ANKEF1: variants seen among roughly 807,000 people sequenced by gnomAD.
ANKEF1 encodes ankyrin repeat and EF-hand domain-containing protein 1.
Under a neutral mutation model 65.1 loss-of-function variants are expected in ANKEF1, and 43 were observed. The ratio of observed to expected loss-of-function variants is 0.66; its 90% CI spans 0.52 to 0.85. The LOEUF is 0.85. ANKEF1 is among the 40% of genes least tolerant of loss of function. The pLI is 0.00. For missense variants in ANKEF1, 934 were observed against 952.9 expected, an observed-to-expected ratio of 0.98 and a Z score of 0.26; for synonymous variants, 316 against 341.5, an observed-to-expected ratio of 0.93 and a Z score of 0.82.
chr20:10,039,878 A>AGTTTTGTGG (rs1201671294), intron 3 of ANKEF1, among the ~76,000 whole-genome samples: 6 of 152,306 alleles, frequency 3.9e-5, no homozygotes, highest in African/African-American at 1.2e-4. Context: ...ATATGCCTGG[A>AGTTTTGTGG]GTTTTGTGGA....
At chr20:10,039,561 T>A (rs1984052355) in intron 3 of ANKEF1, among the ~76,000 whole-genome samples, 1 of 152,240 alleles carries the variant, frequency 6.6e-6, no homozygotes, top group Admixed American at 6.5e-5. Context: ...AAGGGATAAT[T>A]ACATATTTAA....
Position 10,049,650 on chromosome 20 carries a change from A to G in ANKEF1, c.1081A>G (p.Met361Val). 1 of 1,614,076 alleles carries G rather than the reference A, an allele frequency of 6.2e-7. No individual in the cohort carries two copies. Among genetic ancestry groups the G allele is most frequent in the Admixed American group, 1.7e-5 (1 of 60,006 alleles). The change falls in exon 7 of 11, where the codon ATG (methionine) becomes GTG (valine). Residue 361 changes from methionine to valine, a missense_variant. Met to Val is a conservative substitution (Grantham distance 21). Transcript: ENST00000378392. ...AAGCATCAGCAAGAACGACTTCGTG[A>G]TGGTGTTGGAGGAAAGGCAGGATTA... ...DGSISKNDFVMVLEERQDYAS... is the reference protein window; with the variant it reads ...DGSISKNDFVVVLEERQDYAS...
intron 4 of ANKEF1, among the ~76,000 whole-genome samples, chr20:10,043,652 C>CTTTTTTTTTTT (rs374135080): frequency 3.7e-5 from 3 of 81,374 alleles, no homozygotes; most frequent in Non-Finnish European, 6.7e-5. Context: ...TTTTCTTTTC[C>CTTTTTTTTTTT]TTTTTTTTTT....
chr20:10,042,881 G>A (rs550922114), intron 3 of ANKEF1, among the ~76,000 whole-genome samples: 1 of 152,130 alleles, frequency 6.6e-6, no homozygotes, highest in African/African-American at 2.4e-5. Flanking sequence ...ACCTATCAGC[G>A]CTCCAATTCT....
At chr20:10,048,978 A>C (rs1329476271) in intron 6 of ANKEF1, among the ~76,000 whole-genome samples, 1 of 152,222 alleles carries the variant, frequency 6.6e-6, no homozygotes, top group Non-Finnish European at 1.5e-5. Context: ...GGTATTCTGC[A>C]TCTTTTCAGG....
At position 10,049,545 on chromosome 20, in the gene ANKEF1, G is replaced by T. The variant is rs1984715562; in HGVS notation, c.976G>T (p.Ala326Ser). 1.9e-6 allele frequency: 3 copies of T among 1,614,124 alleles called. No homozygotes were observed. In the South Asian group the frequency reaches 3.3e-5, roughly 18 times the overall value. Residue 326 changes from alanine (A) to serine (S), a missense_variant, in exon 7 of 11, where the codon GCC becomes TCC. Ala to Ser is a moderately conservative substitution (Grantham distance 99). Transcript: ENST00000378392. ...AGCCAAAAATCCAAATCCACTGTGG[G>T]CCCTTAGACTGCACGATTGGTCCGT... ...PGAKNPNPLW[A>S]LRLHDWSVER...
At chr20:10,039,002 T>C (rs779779505) in intron 3 of ANKEF1, among the ~76,000 whole-genome samples, 3 of 152,192 alleles carry the variant, frequency 2.0e-5, no homozygotes, top group Non-Finnish European at 4.4e-5. Flanking sequence ...TATTCTTTTT[T>C]ACATTTTAGA....
rs3062979 is a variant in ANKEF1, at chr20:10,056,462, T to TGATAGATA, written c.*810_*817dup. 27 of 148,916 alleles carry TGATAGATA rather than the reference T, an allele frequency of 1.8e-4. No homozygotes were observed. The highest frequency in any genetic ancestry group is 6.0e-4 in the East Asian group (3 of 5,028). 9.2% of individuals were successfully genotyped at this position (148,916 alleles called of 1,614,324 possible). A position where few individuals can be genotyped will look rare whatever the true frequency, so the allele number is the denominator to read the frequency against. Reference sequence around the variant, plus strand: ...AAAGGCAGATAGACAGATATATAGATGATAGATAGATAGATGATAGATAGA... The same window carrying TGATAGATA: ...AAAGGCAGATAGACAGATATATAGATGATAGATAGATAGATAGATAGATGATAGATAGA... On this transcript the variant is annotated 3_prime_UTR_variant, in exon 11 of 11. Transcript: ENST00000378392.
At chr20:10,044,884 A>T (rs532969391) in intron 5 of ANKEF1, among the ~76,000 whole-genome samples, 1 of 152,266 alleles carries the variant, frequency 6.6e-6, no homozygotes, top group African/African-American at 2.4e-5. Context: ...TGATCTAATT[A>T]TGGGAGAACA....
At chr20:10,047,811 C>T (rs1341550862) in intron 6 of ANKEF1, among the ~76,000 whole-genome samples, 1 of 152,158 alleles carries the variant, frequency 6.6e-6, no homozygotes, top group Admixed American at 6.5e-5. Flanking sequence ...ACAGAAAGCT[C>T]CAAGTCAAAA....
intron 2 of ANKEF1, among the ~76,000 whole-genome samples, chr20:10,037,909 T>C (rs1390541784): frequency 2.0e-5 from 3 of 152,238 alleles, no homozygotes; most frequent in Non-Finnish European, 4.4e-5. Context: ...TCTATTTTGC[T>C]GGTGTGAAAC....
chr20:10,055,394 A>C (rs1985086411), intron 10 of ANKEF1, 108 bp from the exon 11 acceptor site: 1 of 1,031,706 alleles, frequency 9.7e-7, no homozygotes, highest in Non-Finnish European at 1.4e-6. Flanking sequence ...TTAAAACTAT[A>C]AACAAATTTT....
intron 4 of ANKEF1, 80 bp downstream of exon 4, chr20:10,043,401 A>G (rs1984315333): frequency 1.9e-5 from 26 of 1,355,200 alleles, no homozygotes; most frequent in Non-Finnish European, 2.5e-5. Context: ...ATATGATGAC[A>G]TTATCCTGTT....
intron 4 of ANKEF1, among the ~76,000 whole-genome samples, chr20:10,043,652 CTTTTTTTTTTTT>C (rs374135080): frequency 1.1e-4 from 9 of 81,372 alleles, no homozygotes; most frequent in East Asian, 6.1e-4. Flanking sequence ...TTTTCTTTTC[CTTTTTTTTTTTT>C]TTTTTTTTTT....
chr20:10,040,099 C>T (rs1012648819), intron 3 of ANKEF1, among the ~76,000 whole-genome samples: 3 of 152,120 alleles, frequency 2.0e-5, no homozygotes, highest in African/African-American at 7.2e-5. Flanking sequence ...ATCTCATGGG[C>T]AGAACTGAAA....
At chr20:10,040,147 A>G (rs1192571613) in intron 3 of ANKEF1, among the ~76,000 whole-genome samples, 4 of 152,246 alleles carry the variant, frequency 2.6e-5, no homozygotes, top group Admixed American at 2.0e-4. Flanking sequence ...TGTTTCACAC[A>G]TAAGCTTGTT....
rs548672145 is a variant in ANKEF1 at position 10,039,868 on chromosome 20, A to G, written c.346+1221A>G. On this transcript the variant is annotated intron_variant, in intron 3 of 10. Transcript: ENST00000378392. ...AAATAATTTTTTTTAATGACATCTT[A>G]TATGCCTGGAGTTTTGTGGACTAAC... Among the ~76,000 whole-genome samples the G allele has an allele frequency of 1.4e-4, 21 of 152,296 alleles. No homozygotes were observed. In the South Asian group the frequency reaches 4.1e-3, roughly 30 times the overall value.
Position 10,053,179 on chromosome 20 carries a change from G to C in ANKEF1, c.1938G>C (p.Lys646Asn). ...GAATAATTGATCTGATTAAAGAAAA[G>C]CTAGATAACTTGCCGAAACCAGCAG... ...DYRIIDLIKEKLDNLPKPAEN... is the reference protein window; with the variant it reads ...DYRIIDLIKENLDNLPKPAEN... The change falls in exon 9 of 11, where the codon AAG becomes AAC. Residue 646 changes from lysine to asparagine, a missense_variant. Coordinates refer to ENST00000378392, the MANE Select transcript of ANKEF1 (RefSeq NM_022096.6). The C allele has an allele frequency of 1.2e-6, 2 of 1,613,618 alleles. No individual in the cohort carries two copies. The highest frequency in any genetic ancestry group is 1.7e-6 in the Non-Finnish European group (2 of 1,179,718).
In ANKEF1 at chr20:10,056,240, A is replaced by T. The variant is rs753645551; in HGVS notation, c.*580A>T. The T allele has an allele frequency of 1.3e-5, 2 of 153,270 alleles. No individual in the cohort carries two copies. Among genetic ancestry groups the T allele is most frequent in the South Asian group, 2.0e-4 (1 of 4,896 alleles). 9.5% of individuals were successfully genotyped at this position (153,270 alleles called of 1,614,324 possible). On this transcript the variant is annotated 3_prime_UTR_variant, in exon 11 of 11. Transcript: ENST00000378392. ...TCACATGCCATTATAAACTATGTGTATTAGATACCTTGGGTTGAATACACT... is the reference window on the plus strand; with the variant it reads ...TCACATGCCATTATAAACTATGTGTTTTAGATACCTTGGGTTGAATACACT...
Sources: allele counts gnomAD v4.1 joint callset (sites outside exome capture counted in the v4.1 genomes callset), GRCh38; gene constraint gnomAD v4.1.1; transcripts MANE v1.5; gene names NCBI Gene and HGNC (gene_info 2026-07-23, HGNC 2026-07-21).